ZNF362: variants seen among roughly 807,000 people sequenced by gnomAD.
ZNF362 encodes the protein rotund homolog.
A neutral mutation model predicts 42.9 loss-of-function variants in ZNF362; 11 were observed. The ratio of observed to expected loss-of-function variants is 0.26; its 90% CI spans 0.16 to 0.42. ZNF362 has a LOEUF of 0.42. Among genes scored for constraint, ZNF362 ranks in the 20% least tolerant of loss-of-function variants. The probability of loss-of-function intolerance (pLI) is 1.00; values close to 1 mark genes in which losing one functional copy is unlikely to be tolerated. For synonymous variants in ZNF362, 255 were observed against 257.3 expected (o/e 0.99, Z 0.09); for missense variants, 362 against 576.2 (o/e 0.63, Z 3.81).
chr1:33,200,673 A>G, the ZNF362 span, among the ~76,000 whole-genome samples: 1 of 152,216 alleles, frequency 6.6e-6, no homozygotes, highest in Admixed American at 6.5e-5. Flanking sequence ...TATTAGAGAT[A>G]AAGTGAGTTA....
chr1:33,256,949 C>T (rs1274073905), intron 1 of ZNF362, among the ~76,000 whole-genome samples: 1 of 151,782 alleles, frequency 6.6e-6, no homozygotes, highest in Non-Finnish European at 1.5e-5. Context: ...TGTGTGTTTT[C>T]TTAAGCCGGG....
At chr1:33,159,634 A>G in the ZNF362 span, 1 of 1,564,556 alleles carries the variant, frequency 6.4e-7, no homozygotes, top group Non-Finnish European at 8.6e-7. The surrounding 1 kb of genome is among the most constrained non-coding windows in gnomAD (Gnocchi z 4.2). Flanking sequence ...ACTGCCCAGC[A>G]TGGGTCGAGG....
chr1:33,165,624 G>T, the ZNF362 span: 1 of 1,460,172 alleles, frequency 6.8e-7, no homozygotes. The surrounding 1 kb of genome is among the most constrained non-coding windows in gnomAD (Gnocchi z 4.0). Context: ...CAGGCATTCA[G>T]CCCTGACCAC....
At chr1:33,264,765 G>A (rs1645854110) in intron 1 of ZNF362, among the ~76,000 whole-genome samples, 2 of 152,036 alleles carry the variant, frequency 1.3e-5, no homozygotes, top group South Asian at 2.1e-4. Flanking sequence ...CAGATGCATG[G>A]TCTTGGGCAG....
chr1:33,296,710 G>A (rs528272500), intron 8 of ZNF362, among the ~76,000 whole-genome samples: 2 of 152,184 alleles, frequency 1.3e-5, no homozygotes, highest in South Asian at 2.1e-4. Context: ...AACTTGGCAC[G>A]TTACAAGAAC....
chr1:33,258,706 G>T (rs1645810167), intron 1 of ZNF362, among the ~76,000 whole-genome samples: 1 of 152,158 alleles, frequency 6.6e-6, no homozygotes, highest in Non-Finnish European at 1.5e-5. Context: ...GAATGGGACA[G>T]CACGATCCCT....
upstream of ZNF362, among the ~76,000 whole-genome samples, chr1:33,256,334 G>A (rs962160180): frequency 4.2e-5 from 6 of 144,056 alleles, no homozygotes; most frequent in Non-Finnish European, 7.7e-5. Context: ...CCCCGGGGCC[G>A]GACGGGCTGC....
the ZNF362 span, among the ~76,000 whole-genome samples, chr1:33,193,200 A>G: frequency 6.6e-6 from 1 of 152,220 alleles, no homozygotes; most frequent in South Asian, 2.1e-4. Context: ...GAAAAGAGCT[A>G]GGAAAGAGTC....
chr1:33,141,281 C>T, the ZNF362 span, among the ~76,000 whole-genome samples: 1 of 152,068 alleles, frequency 6.6e-6, no homozygotes, highest in African/African-American at 2.4e-5. Flanking sequence ...CTCCTAAGCT[C>T]TGGCCCTGTC....
At chr1:33,211,289 C>G in the ZNF362 span, among the ~76,000 whole-genome samples, 7 of 152,078 alleles carry the variant, frequency 4.6e-5, no homozygotes, top group Non-Finnish European at 5.9e-5. Context: ...ATGATGCTAG[C>G]TGGTTATTTC....
the ZNF362 span, among the ~76,000 whole-genome samples, chr1:33,196,440 C>A: frequency 1.3e-5 from 2 of 152,018 alleles, no homozygotes; most frequent in African/African-American, 4.8e-5. Context: ...TATGCATTAG[C>A]CTAGGCCCAC....
At chr1:33,129,963 G>A in the ZNF362 span, among the ~76,000 whole-genome samples, 8 of 152,204 alleles carry the variant, frequency 5.3e-5, no homozygotes, top group Middle Eastern at 3.4e-3. This position sits in a 1 kb window ranked among gnomAD's most constrained non-coding sequence, Gnocchi z 4.1. Context: ...GGGTTCAAGC[G>A]ATTCTCCTGC....
chr1:33,290,932 T>C (rs1388404182), intron 6 of ZNF362, among the ~76,000 whole-genome samples: 2 of 152,182 alleles, frequency 1.3e-5, no homozygotes, highest in Non-Finnish European at 2.9e-5. Context: ...TCTTGTAAAT[T>C]TGTTTGAGTT....
the ZNF362 span, among the ~76,000 whole-genome samples, chr1:33,194,098 A>G: frequency 6.6e-6 from 1 of 152,242 alleles, no homozygotes; most frequent in Non-Finnish European, 1.5e-5. Flanking sequence ...AAAATGAACT[A>G]TTAAAAATGC....
At chr1:33,188,240 A>G in the ZNF362 span, among the ~76,000 whole-genome samples, 5 of 152,074 alleles carry the variant, frequency 3.3e-5, no homozygotes, top group Non-Finnish European at 4.4e-5. Flanking sequence ...CAAAACAAAC[A>G]AACAAACAAA....
In ZNF362 at chr1:33,300,150, G is replaced by A. The variant is rs1280654031; in HGVS notation, c.*1104G>A. ...CAGAGAAGCCCCCTACATCCCCCCGGGAAAAAAAAGAAAACTAGACAGAAA... is the reference window on the plus strand; with the variant it reads ...CAGAGAAGCCCCCTACATCCCCCCGAGAAAAAAAAGAAAACTAGACAGAAA... On this transcript the variant is annotated 3_prime_UTR_variant, in exon 9 of 9. Transcript: ENST00000539719. 6.6e-6 allele frequency: 1 copy of A among 152,234 alleles called. No individual in the cohort carries two copies. Among genetic ancestry groups the A allele is most frequent in the Non-Finnish European group, 1.5e-5 (1 of 68,006 alleles). The allele number at this position is 152,234 out of a possible 1,614,324, so 9.4% of individuals were successfully genotyped here.
chr1:33,188,855 C>T, the ZNF362 span, among the ~76,000 whole-genome samples: 6 of 152,182 alleles, frequency 3.9e-5, no homozygotes, highest in Non-Finnish European at 5.9e-5. Flanking sequence ...ACCTTCTCTG[C>T]GATGGACACC....
At chr1:33,150,805 C>T in the ZNF362 span, among the ~76,000 whole-genome samples, 1 of 152,060 alleles carries the variant, frequency 6.6e-6, no homozygotes, top group Non-Finnish European at 1.5e-5. Flanking sequence ...GGAACCTAAT[C>T]AGACATAGGT....
the ZNF362 span, among the ~76,000 whole-genome samples, chr1:33,150,026 G>A: frequency 6.6e-6 from 1 of 152,190 alleles, no homozygotes; most frequent in Non-Finnish European, 1.5e-5. Context: ...GGCTTAGCAG[G>A]TCTGACTAAA....
Sources: allele counts gnomAD v4.1 joint callset (sites outside exome capture counted in the v4.1 genomes callset), GRCh38; gene constraint gnomAD v4.1.1; non-coding constraint Gnocchi (gnomAD v3.1); transcripts MANE v1.5; gene names NCBI Gene and HGNC (gene_info 2026-07-23, HGNC 2026-07-21).